The following PALM2AKAP2 variants were observed in gnomAD, a reference collection of about 807,000 sequenced individuals.
PALM2AKAP2 encodes the protein PALM2 and AKAP2 fusion.
A neutral mutation model predicts 71.5 loss-of-function variants in PALM2AKAP2; 37 were observed. The ratio of observed to expected loss-of-function variants is 0.52; its 90% CI spans 0.40 to 0.68. The LOEUF (loss-of-function observed/expected upper bound fraction) is 0.68. PALM2AKAP2 is among the 30% of genes least tolerant of loss of function. The pLI is 0.00. For synonymous variants in PALM2AKAP2, 468 were observed against 478.8 expected (o/e 0.98, Z 0.29); for missense variants, 1,224 against 1,191.8 (o/e 1.03, Z -0.40).
At chr9:110,083,430 C>G (rs776644202) in intron 1 of PALM2AKAP2, among the ~76,000 whole-genome samples, 6 of 152,106 alleles carry the variant, frequency 3.9e-5, no homozygotes, top group Non-Finnish European at 7.4e-5. Flanking sequence ...AATAAGGAGG[C>G]CTAGTCTGTT....
intron 1 of PALM2AKAP2, among the ~76,000 whole-genome samples, chr9:110,074,918 T>C (rs186058138): frequency 4.1e-4 from 63 of 151,858 alleles, no homozygotes; most frequent in African/African-American, 1.4e-3. Flanking sequence ...CAGGAGAATC[T>C]CTTGAACCCA....
intron 1 of PALM2AKAP2, among the ~76,000 whole-genome samples, chr9:110,122,110 G>GT (rs1277442738): frequency 2.6e-5 from 4 of 152,082 alleles, no homozygotes; most frequent in Non-Finnish European, 5.9e-5. Context: ...ATGGCTCACT[G>GT]TAGCCTTGAC....
At chr9:110,012,864 G>A (rs543083452) in intron 6 of PALM2AKAP2, among the ~76,000 whole-genome samples, 4 of 152,278 alleles carry the variant, frequency 2.6e-5, no homozygotes, top group African/African-American at 7.2e-5. Context: ...AGATGATAGA[G>A]ATGAAAACCA....
chr9:109,724,277 C>T (rs1828445237), intron 1 of PALM2AKAP2, among the ~76,000 whole-genome samples: 1 of 152,132 alleles, frequency 6.6e-6, no homozygotes, highest in African/African-American at 2.4e-5. Flanking sequence ...TGTTCTTGGG[C>T]AGGAAGTCTC....
At chr9:109,838,722 A>C (rs1346394360) in intron 1 of PALM2AKAP2, among the ~76,000 whole-genome samples, 1 of 152,200 alleles carries the variant, frequency 6.6e-6, no homozygotes, top group Non-Finnish European at 1.5e-5. Flanking sequence ...AGAAATACAA[A>C]CTACCATCAG....
intron 1 of PALM2AKAP2, among the ~76,000 whole-genome samples, chr9:110,062,428 C>T (rs1833984327): frequency 6.6e-6 from 1 of 152,188 alleles, no homozygotes. Flanking sequence ...TGATCTCATT[C>T]CTTTTTATGG....
intron 1 of PALM2AKAP2, among the ~76,000 whole-genome samples, chr9:109,788,672 G>T (rs1827029180): frequency 6.6e-6 from 1 of 152,218 alleles, no homozygotes; most frequent in South Asian, 2.1e-4. Context: ...CATGCCCATT[G>T]TGATATGCCC....
chr9:110,050,753 G>T (rs1475091641), intron 1 of PALM2AKAP2, among the ~76,000 whole-genome samples: 2 of 151,868 alleles, frequency 1.3e-5, no homozygotes, highest in South Asian at 4.2e-4. Context: ...TCAGCCTCCC[G>T]AATACCTGGG....
chr9:109,887,236 C>T (rs1829985956), intron 3 of PALM2AKAP2, among the ~76,000 whole-genome samples: 1 of 152,214 alleles, frequency 6.6e-6, no homozygotes. Flanking sequence ...CTAGAAAAGG[C>T]AACCACTGAA....
intron 6 of PALM2AKAP2, chr9:109,945,397 C>A (rs902161510): frequency 6.6e-6 from 1 of 152,150 alleles, no homozygotes; most frequent in Non-Finnish European, 1.5e-5. Flanking sequence ...ATCAAAGCAG[C>A]TGCAATGGAA....
At chr9:110,037,352 A>G (rs1040350077) in intron 7 of PALM2AKAP2, among the ~76,000 whole-genome samples, 6 of 152,056 alleles carry the variant, frequency 3.9e-5, no homozygotes, top group Non-Finnish European at 8.8e-5. Flanking sequence ...GATTACAGAC[A>G]TGCGCCACCA....
At chr9:109,643,565 C>T (rs1218929060) in intron 1 of PALM2AKAP2, among the ~76,000 whole-genome samples, 1 of 152,182 alleles carries the variant, frequency 6.6e-6, no homozygotes, top group Non-Finnish European at 1.5e-5. Flanking sequence ...GTGCTAAGCT[C>T]ACACCTGGAA....
intron 1 of PALM2AKAP2, among the ~76,000 whole-genome samples, chr9:109,773,925 G>T (rs1829311438): frequency 6.6e-6 from 1 of 152,294 alleles, no homozygotes; most frequent in Middle Eastern, 3.4e-3. Context: ...ATTCCCAAAG[G>T]TGTCAGGCAG....
intron 6 of PALM2AKAP2, among the ~76,000 whole-genome samples, chr9:109,961,969 C>T (rs1348628977): frequency 6.6e-6 from 1 of 152,230 alleles, no homozygotes; most frequent in African/African-American, 2.4e-5. Flanking sequence ...TGCCCACACT[C>T]ATCAGTGGAG....
intron 1 of PALM2AKAP2, among the ~76,000 whole-genome samples, chr9:109,752,729 A>G (rs1828902843): frequency 6.6e-6 from 1 of 152,166 alleles, no homozygotes; most frequent in Non-Finnish European, 1.5e-5. Flanking sequence ...GAAGAGTTTT[A>G]TATAAAGGAA....
chr9:109,715,573 C>A (rs1296873069), intron 1 of PALM2AKAP2, among the ~76,000 whole-genome samples: 1 of 152,224 alleles, frequency 6.6e-6, no homozygotes, highest in African/African-American at 2.4e-5. Flanking sequence ...CCCTGCAGTG[C>A]AACCCAGCCC....
At chr9:110,038,820 A>T (rs535275190) in intron 7 of PALM2AKAP2, among the ~76,000 whole-genome samples, 1 of 149,206 alleles carries the variant, frequency 6.7e-6, no homozygotes, top group African/African-American at 2.5e-5. Context: ...GGGCGCTTGT[A>T]ATCCCAGCTA....
intron 1 of PALM2AKAP2, among the ~76,000 whole-genome samples, chr9:109,752,730 T>C (rs1310767442): frequency 6.6e-6 from 1 of 152,114 alleles, no homozygotes; most frequent in Non-Finnish European, 1.5e-5. Flanking sequence ...AAGAGTTTTA[T>C]ATAAAGGAAT....
intron 1 of PALM2AKAP2, among the ~76,000 whole-genome samples, chr9:109,686,219 C>T (rs776273652): frequency 6.6e-6 from 1 of 152,268 alleles, no homozygotes; most frequent in Non-Finnish European, 1.5e-5. Flanking sequence ...CTCCCATTAA[C>T]GTTGATATCA....
Sources: gnomAD v4.1 joint callset for allele counts (sites outside exome capture counted in the v4.1 genomes callset) on GRCh38, gnomAD v4.1.1 for gene constraint, MANE v1.5 for transcripts, NCBI Gene and HGNC (gene_info 2026-07-23, HGNC 2026-07-21) for gene names.